DAB2IP: variants seen among roughly 807,000 people sequenced by gnomAD.
The protein encoded by DAB2IP is disabled homolog 2-interacting protein.
DAB2IP carries 28 observed loss-of-function variants against 107.2 expected under a neutral mutation model. The ratio of observed to expected loss-of-function variants is 0.26; its 90% confidence interval spans 0.19 to 0.36. The LOEUF is 0.36. DAB2IP is among the 10% of genes least tolerant of loss of function. The probability of loss-of-function intolerance (pLI) is 1.00; values close to 1 mark genes in which losing one functional copy is unlikely to be tolerated. For synonymous variants in DAB2IP, 755 were observed against 706.4 expected (o/e 1.07, Z -1.09); for missense variants, 1,400 against 1,644.7 (o/e 0.85, Z 2.57).
Position 121,642,143 on chromosome 9 carries a change from C to T in DAB2IP, c.41-36535C>T, listed in dbSNP as rs113292007. On this transcript the variant is annotated intron_variant, in intron 1 of 16. Coordinates refer to the DAB2IP transcript ENST00000259371. ...TTGCCCAGGCTGGAGTAGAGTGACA[C>T]GATCATAGCTCACTGTAGCCTCAAC... Among the ~76,000 whole-genome samples, 302 of 149,890 alleles carry T rather than the reference C, an allele frequency of 2.0e-3. 3 individuals are homozygous for T. The highest frequency in any genetic ancestry group is 6.8e-3 in the African/African-American group (275 of 40,612).
At chr9:121,582,111 T>G (rs1014602108) in intron 1 of DAB2IP, among the ~76,000 whole-genome samples, 6 of 152,224 alleles carry the variant, frequency 3.9e-5, no homozygotes, top group South Asian at 2.1e-4. Context: ...AAGGGGCTTG[T>G]CAGAGCCCGG....
chr9:121,583,180 A>T lies in DAB2IP; in HGVS notation c.40+15952A>T, dbSNP rs542198136. ...GGTGGGTGGATCACTTAAGGTCAGCAGTTCAAAACCAGCCTGGCCAACATG... is the reference window on the plus strand; with the variant it reads ...GGTGGGTGGATCACTTAAGGTCAGCTGTTCAAAACCAGCCTGGCCAACATG... On this transcript the variant is annotated intron_variant, in intron 1 of 16. Coordinates refer to the DAB2IP transcript ENST00000259371. Among the ~76,000 whole-genome samples the T allele has an allele frequency of 1.8e-3, 276 of 152,384 alleles. 2 individuals are homozygous for T. Among genetic ancestry groups the T allele is most frequent in the Admixed American group, 6.9e-3 (105 of 15,312 alleles).
rs114346612 is a variant in DAB2IP at position 121,617,842 on chromosome 9, A to G, written c.40+50614A>G. The stretch of plus-strand genomic sequence containing the variant: ...GGGGTCAGGAGCTCATCAGATGCCC[A>G]GTGGAAGAGCGGGGTGCGTACTCAC... On this transcript the variant is annotated intron_variant, in intron 1 of 16. Transcript: ENST00000259371. Among the ~76,000 whole-genome samples, 452 of 152,308 alleles carry G rather than the reference A, an allele frequency of 3.0e-3. 1 individual carries two copies. The highest frequency in any genetic ancestry group is 0.01 in the African/African-American group (423 of 41,580).
chr9:121,756,706 C>G (rs1833503160), intron 3 of DAB2IP, among the ~76,000 whole-genome samples: 1 of 152,248 alleles, frequency 6.6e-6, no homozygotes, highest in Non-Finnish European at 1.5e-5. Context: ...TGAGACTTCT[C>G]AGGAGCCAAG....
exon 4 of DAB2IP, chr9:121,757,038 G>C: frequency 6.2e-7 from 1 of 1,614,192 alleles, no homozygotes; most frequent in Non-Finnish European, 8.5e-7. Context: ...GAGGCTGAAG[G>C]AGTCTCGCTC....
At chr9:121,647,573 C>T (rs1832581021), upstream of DAB2IP, among the ~76,000 whole-genome samples, 1 of 151,970 alleles carries the variant, frequency 6.6e-6, no homozygotes, top group Non-Finnish European at 1.5e-5. Context: ...TGGTTTTCTG[C>T]CTAGAGGGGA....
chr9:121,685,160 C>T (rs1197612562), intron 2 of DAB2IP, among the ~76,000 whole-genome samples: 1 of 152,260 alleles, frequency 6.6e-6, no homozygotes, highest in Admixed American at 6.5e-5. Context: ...CCCTCACTCC[C>T]TCCATCCCTG....
At chr9:121,733,227 TGGTG>T (rs2118861785) in intron 3 of DAB2IP, among the ~76,000 whole-genome samples, 1 of 152,350 alleles carries the variant, frequency 6.6e-6, no homozygotes, top group African/African-American at 2.4e-5. Context: ...CTGGGGCAGT[TGGTG>T]GGTTTTAGCA....
At position 121,670,426 on chromosome 9, in the gene DAB2IP, G is replaced by A. The variant is rs192991230; in HGVS notation, c.125-8252G>A. The stretch of plus-strand genomic sequence containing the variant: ...CAAAATCAAGGTGTCAGCAGGCTGC[G>A]TTCTTTTCTAAAGGCTCTAGGGAAA... On this transcript the variant is annotated intron_variant, in intron 1 of 15. Transcript: ENST00000408936. 1.8e-3 allele frequency among the ~76,000 whole-genome samples: 272 copies of A among 152,314 alleles called. 4 individuals carry two copies. Among genetic ancestry groups the A allele is most frequent in the Non-Finnish European group, 9.3e-4 (63 of 68,022 alleles).
intron 1 of DAB2IP, among the ~76,000 whole-genome samples, chr9:121,609,235 G>A (rs1282878498): frequency 1.3e-5 from 2 of 152,330 alleles, no homozygotes; most frequent in East Asian, 3.9e-4. Context: ...GTGAGGCACT[G>A]CGCCCAGCCT....
exon 12 of DAB2IP, chr9:121,773,233 A>C: frequency 6.4e-7 from 1 of 1,556,132 alleles, no homozygotes; most frequent in Non-Finnish European, 8.7e-7. Context: ...AAAGGCGGGC[A>C]GCCCACGGTG....
chr9:121,773,291 G>GCCCCCA (rs986480518), exon 12 of DAB2IP: 1 of 1,507,282 alleles, frequency 6.6e-7, no homozygotes, highest in African/African-American at 1.4e-5. Context: ...ACCAGCCTCC[G>GCCCCCA]CCCCCACCCC....
intron 3 of DAB2IP, chr9:121,737,236 G>A (rs1831994980): frequency 1.0e-6 from 1 of 985,404 alleles, no homozygotes; most frequent in Non-Finnish European, 1.2e-6. Context: ...ATGGCTGGAA[G>A]CGATAGTTTG....
chr9:121,783,135 C>T (rs1415062027), exon 16 of DAB2IP: 10 of 1,050,164 alleles, frequency 9.5e-6, no homozygotes, highest in East Asian at 7.3e-5. Context: ...ACCCACCCAC[C>T]CCCTCTGAAC....
chr9:121,747,057 G>T (rs1832768342), intron 3 of DAB2IP, among the ~76,000 whole-genome samples: 1 of 152,188 alleles, frequency 6.6e-6, no homozygotes, highest in Admixed American at 6.5e-5. Flanking sequence ...GTTTGTGGTG[G>T]GCTCTAGAGC....
exon 12 of DAB2IP, chr9:121,773,118 G>A (rs773788305): frequency 5.6e-6 from 9 of 1,612,144 alleles, no homozygotes; most frequent in South Asian, 5.5e-5. Context: ...CAGCAACAGC[G>A]AGGAGTTGGC....
At chr9:121,781,622 T>G in intron 15 of DAB2IP, 71 bp downstream of exon 15, 1 of 1,480,468 alleles carries the variant, frequency 6.8e-7, no homozygotes, top group Non-Finnish European at 9.4e-7. Context: ...GACTAGCCTC[T>G]CCATCCTCAG....
At chr9:121,627,727 G>A (rs1452192601) in intron 1 of DAB2IP, among the ~76,000 whole-genome samples, 2 of 152,194 alleles carry the variant, frequency 1.3e-5, no homozygotes, top group African/African-American at 4.8e-5. Context: ...ATTTTTCTCA[G>A]TGCTGCCTTG....
chr9:121,629,989 GA>G (rs1407854923), intron 1 of DAB2IP, among the ~76,000 whole-genome samples: 1 of 152,172 alleles, frequency 6.6e-6, no homozygotes, highest in Non-Finnish European at 1.5e-5. Context: ...TTATTTTCAA[GA>G]ACCATTAATT....
Sources: gnomAD v4.1 joint callset for allele counts (sites outside exome capture counted in the v4.1 genomes callset) on GRCh38, gnomAD v4.1.1 for gene constraint, MANE v1.5 for transcripts, NCBI Gene and HGNC (gene_info 2026-07-23, HGNC 2026-07-21) for gene names.